The following SVEP1 variants were observed in gnomAD, a reference collection of about 807,000 sequenced individuals.
SVEP1 encodes the protein sushi, von Willebrand factor type A, EGF and pentraxin domain containing 1.
In SVEP1, 164 loss-of-function variants were observed where a neutral mutation model predicts 367.3. That is an observed-to-expected ratio of 0.45 (90% CI 0.39 to 0.51). The LOEUF (loss-of-function observed/expected upper bound fraction) is 0.51. Among genes scored for constraint, SVEP1 ranks in the 20% least tolerant of loss-of-function variants. The pLI is 0.00. For synonymous variants in SVEP1, 1,666 were observed against 1,611.6 expected, an observed-to-expected ratio of 1.03 and a Z score of -0.81; for missense variants, 4,117 against 4,425.3, an observed-to-expected ratio of 0.93 and a Z score of 1.98.
intron 26 of SVEP1, among the ~76,000 whole-genome samples, 158 bp from the exon 27 acceptor site, chr9:110,443,878 G>A (rs942199535): frequency 6.6e-6 from 1 of 151,732 alleles, no homozygotes; most frequent in Non-Finnish European, 1.5e-5. Flanking sequence ...GTCACATTTT[G>A]TAGAAGCAGA....
At chr9:110,438,177 ATTTTTTTTTTTT>A (rs10593866) in intron 27 of SVEP1, among the ~76,000 whole-genome samples, 1 of 75,538 alleles carries the variant, frequency 1.3e-5, no homozygotes, top group Non-Finnish European at 2.4e-5. Flanking sequence ...TAGTTATGCT[ATTTTTTTTTTTT>A]TTTTTTTTTT....
At chr9:110,534,955 T>A (rs917786351) in intron 3 of SVEP1, among the ~76,000 whole-genome samples, 2 of 152,064 alleles carry the variant, frequency 1.3e-5, no homozygotes, top group African/African-American at 4.8e-5. Context: ...ATATTTTCTC[T>A]CATTCTGTAG....
chr9:110,481,637 C>A (rs993422270), intron 11 of SVEP1, among the ~76,000 whole-genome samples: 1 of 152,012 alleles, frequency 6.6e-6, no homozygotes, highest in South Asian at 2.1e-4. Flanking sequence ...AAAAGCTGTA[C>A]CTACGTGTAA....
At chr9:110,384,716 A>C (rs148574588) in intron 43 of SVEP1, among the ~76,000 whole-genome samples, 63 of 152,296 alleles carry the variant, frequency 4.1e-4, no homozygotes, top group African/African-American at 1.5e-3. Flanking sequence ...TTTAGAGTTA[A>C]ACATTTTGAG....
chr9:110,383,135 G>A (rs1412815548), intron 43 of SVEP1, among the ~76,000 whole-genome samples: 1 of 152,176 alleles, frequency 6.6e-6, no homozygotes, highest in African/African-American at 2.4e-5. Context: ...ATGAGAAGAG[G>A]AACTCTGGCT....
At chr9:110,459,147 A>G (rs1246573345) in intron 18 of SVEP1, 34 bp from the exon 19 acceptor site, 2 of 1,596,188 alleles carry the variant, frequency 1.3e-6, no homozygotes, top group Admixed American at 3.4e-5. Flanking sequence ...ATGTGCATAT[A>G]AAGTAACACA....
chr9:110,571,165 T>C (rs1270390934), intron 1 of SVEP1, among the ~76,000 whole-genome samples: 1 of 151,178 alleles, frequency 6.6e-6, no homozygotes. Flanking sequence ...TTAGTAGAAA[T>C]GGGGTTTCAC....
chr9:110,477,768 T>TA (rs1226495012), intron 13 of SVEP1, among the ~76,000 whole-genome samples: 5 of 152,020 alleles, frequency 3.3e-5, no homozygotes, highest in African/African-American at 9.6e-5. Flanking sequence ...TCAGAAGATA[T>TA]AAAAAAAATC....
At chr9:110,462,864 A>C (rs1352694263) in intron 18 of SVEP1, among the ~76,000 whole-genome samples, 1 of 151,956 alleles carries the variant, frequency 6.6e-6, no homozygotes, top group Non-Finnish European at 1.5e-5. Context: ...ACACATATAG[A>C]CCTGGAGCCA....
intron 13 of SVEP1, among the ~76,000 whole-genome samples, chr9:110,477,813 C>T (rs1392110048): frequency 6.6e-6 from 1 of 152,180 alleles, no homozygotes. Flanking sequence ...GCCACCCAAG[C>T]CACCATCATC....
chr9:110,517,894 T>A (rs1829826428), intron 3 of SVEP1, among the ~76,000 whole-genome samples: 1 of 151,624 alleles, frequency 6.6e-6, no homozygotes, highest in African/African-American at 2.4e-5. Flanking sequence ...AATTGCTAAC[T>A]AAAATAATTG....
chr9:110,471,635 T>C (rs760377349), intron 15 of SVEP1, 38 bp from the exon 16 acceptor site: 4 of 1,476,180 alleles, frequency 2.7e-6, no homozygotes, highest in East Asian at 4.6e-5. Context: ...CACAAACACA[T>C]GGTGTTTCAG....
intron 6 of SVEP1, among the ~76,000 whole-genome samples, chr9:110,500,879 G>T (rs75841649): frequency 2.0e-5 from 3 of 151,794 alleles, no homozygotes; most frequent in African/African-American, 7.2e-5. Flanking sequence ...ACTGATTTTA[G>T]TGATTGTTCA....
At chr9:110,482,327 C>A in intron 11 of SVEP1, 34 bp downstream of exon 11, 1 of 1,599,054 alleles carries the variant, frequency 6.3e-7, no homozygotes, top group South Asian at 1.1e-5. Flanking sequence ...TGTCAAATGT[C>A]AACTAGAATT....
At chr9:110,412,644 A>G (rs1376989457) in intron 36 of SVEP1, among the ~76,000 whole-genome samples, 2 of 152,118 alleles carry the variant, frequency 1.3e-5, no homozygotes, top group African/African-American at 4.8e-5. Context: ...CAACCTACTC[A>G]TCTGACAAAG....
At chr9:110,447,627 T>C (rs548931776) in intron 24 of SVEP1, among the ~76,000 whole-genome samples, 2 of 152,354 alleles carry the variant, frequency 1.3e-5, no homozygotes, top group African/African-American at 2.4e-5. Context: ...ATGTCAAATG[T>C]TGACAAGAGT....
intron 1 of SVEP1, among the ~76,000 whole-genome samples, chr9:110,550,532 A>G (rs2118851594): frequency 6.7e-6 from 1 of 150,050 alleles, no homozygotes; most frequent in South Asian, 2.1e-4. Context: ...CTATCTGTCT[A>G]TCATCTCTAT....
At chr9:110,578,889 G>T (rs1830657006) in intron 1 of SVEP1, 124 bp downstream of exon 1, 2 of 1,077,398 alleles carry the variant, frequency 1.9e-6, no homozygotes, top group Non-Finnish European at 2.6e-6. Context: ...TTGTGGATGG[G>T]GACGCTTGAC....
intron 40 of SVEP1, among the ~76,000 whole-genome samples, chr9:110,395,137 G>C (rs1162997188): frequency 1.3e-5 from 2 of 152,230 alleles, no homozygotes; most frequent in Non-Finnish European, 2.9e-5. Flanking sequence ...AAGCCCAGCA[G>C]ACTAACAGCT....
Sources: gnomAD v4.1 joint callset for allele counts (sites outside exome capture counted in the v4.1 genomes callset) on GRCh38, gnomAD v4.1.1 for gene constraint, MANE v1.5 for transcripts, NCBI Gene and HGNC (gene_info 2026-07-23, HGNC 2026-07-21) for gene names.